The following COL4A2 variants were observed in gnomAD, a reference collection of about 807,000 sequenced individuals.
COL4A2 encodes collagen type IV alpha 2 chain.
A neutral mutation model predicts 200.2 loss-of-function variants in COL4A2; 99 were observed. The observed-to-expected ratio is 0.49, with a 90% CI of 0.42 to 0.58. COL4A2 has a LOEUF of 0.58. COL4A2 is among the 20% of genes least tolerant of loss of function. The probability of loss-of-function intolerance (pLI) is 0.00; values close to 1 mark genes in which losing one functional copy is unlikely to be tolerated. For synonymous variants in COL4A2, 897 were observed against 900.6 expected (o/e 1.00, Z 0.07); for missense variants, 1,950 against 2,314.1 (o/e 0.84, Z 3.23).
chr13:110,389,267 A>G (rs1878892823), intron 4 of COL4A2, among the ~76,000 whole-genome samples: 1 of 152,158 alleles, frequency 6.6e-6, no homozygotes, highest in South Asian at 2.1e-4. Flanking sequence ...AAAGTAGTGC[A>G]TCATGTGGAG....
chr13:110,504,325 T>C, intron 45 of COL4A2, 61 bp downstream of exon 45: 5 of 1,404,076 alleles, frequency 3.6e-6, no homozygotes, highest in South Asian at 3.5e-5. Context: ...ACTCACAGAC[T>C]GTGGTCTGCA....
chr13:110,314,949 G>T (rs1231052927), intron 3 of COL4A2, among the ~76,000 whole-genome samples: 1 of 152,216 alleles, frequency 6.6e-6, no homozygotes, highest in African/African-American at 2.4e-5. Context: ...CAGAGTCCCA[G>T]CCTCTCAGTG....
In COL4A2 at chr13:110,482,113, G is replaced by A. The variant is rs544768492; in HGVS notation, c.2759-403G>A. Reference sequence around the variant, plus strand: ...CTCTCCTTCCGGTGCTGGCGACATTGGTCTGACTTTCTGCGGTCCTGTGTC... The same window carrying A: ...CTCTCCTTCCGGTGCTGGCGACATTAGTCTGACTTTCTGCGGTCCTGTGTC... On this transcript the variant is annotated intron_variant, in intron 31 of 47. Transcript: ENST00000360467. Among the ~76,000 whole-genome samples the A allele has an allele frequency of 1.2e-4, 18 of 152,322 alleles. No homozygotes were observed. In the South Asian group the frequency reaches 3.1e-3, roughly 26 times the overall value.
At chr13:110,469,426 G>A in intron 28 of COL4A2, 102 bp downstream of exon 28, 2 of 1,222,776 alleles carry the variant, frequency 1.6e-6, no homozygotes, top group East Asian at 2.6e-5. Flanking sequence ...TGTAGAAGCT[G>A]TTTTAACAAA....
intron 40 of COL4A2, 141 bp from the exon 41 acceptor site, chr13:110,501,527 T>C: frequency 1.3e-6 from 1 of 778,008 alleles, no homozygotes; most frequent in Non-Finnish European, 2.1e-6. Context: ...CATGAGATGT[T>C]CCTTGGCCTG....
chr13:110,379,175 G>A (rs1878361400), intron 4 of COL4A2, among the ~76,000 whole-genome samples: 1 of 152,220 alleles, frequency 6.6e-6, no homozygotes, highest in Non-Finnish European at 1.5e-5. Flanking sequence ...GTCATACTGT[G>A]GAGAGGGTGT....
Position 110,474,719 on chromosome 13 carries a change from ACACACGCACGTACCCACACACG to A in COL4A2, c.2425+1570_2425+1591del, listed in dbSNP as rs1566555347. On this transcript the variant is annotated intron_variant, in intron 29 of 47. Transcript: ENST00000360467. ...CGTGCCTGTGTACACTCACATGATC[ACACACGCACGTACCCACACACG>A]TGCCGTGCACACTCACACATCACAC... is the stretch of plus-strand genomic sequence containing the variant. Among the ~76,000 whole-genome samples, 31 of 110,126 alleles carry A rather than the reference ACACACGCACGTACCCACACACG, an allele frequency of 2.8e-4. 3 individuals are homozygous for A. Among genetic ancestry groups the A allele is most frequent in the East Asian group, 1.2e-3 (4 of 3,438 alleles). 72.2% of individuals were successfully genotyped at this position (110,126 alleles called of 152,430 possible).
intron 41 of COL4A2, 65 bp from the exon 42 acceptor site, chr13:110,503,056 C>A: frequency 6.7e-7 from 1 of 1,499,636 alleles, no homozygotes; most frequent in Non-Finnish European, 9.1e-7. Context: ...GACGGTGCAC[C>A]TGACTGCCCC....
rs113889678 is a variant in COL4A2 at position 110,446,569 on chromosome 13, C to T, written c.1012-229C>T. On this transcript the variant is annotated intron_variant, in intron 17 of 47. Transcript: ENST00000360467. ...AAGGATTTCAAAATGAGATGAGCCCCTGCCTGTCTTGTTCTCTTTGGGCAC... is the reference window on the plus strand; with the variant it reads ...AAGGATTTCAAAATGAGATGAGCCCTTGCCTGTCTTGTTCTCTTTGGGCAC... Among the ~76,000 whole-genome samples the T allele has an allele frequency of 6.5e-3, 985 of 152,308 alleles. 4 individuals carry two copies. The highest frequency in any genetic ancestry group is 0.011 in the Non-Finnish European group (774 of 68,022).
chr13:110,397,952 C>G (rs183245127), intron 4 of COL4A2, among the ~76,000 whole-genome samples: 92 of 152,252 alleles, frequency 6.0e-4, no homozygotes, highest in Non-Finnish European at 1.1e-3. Context: ...GCAGCTGTAT[C>G]GTATGGAGAA....
intron 12 of COL4A2, among the ~76,000 whole-genome samples, chr13:110,435,713 G>A (rs1479172091): frequency 6.6e-6 from 1 of 152,216 alleles, no homozygotes; most frequent in East Asian, 1.9e-4. Context: ...GTCCAGTAAT[G>A]TTCTAGATAG....
chr13:110,494,862 C>A (rs1270105150), intron 39 of COL4A2, among the ~76,000 whole-genome samples: 2 of 152,236 alleles, frequency 1.3e-5, no homozygotes, highest in African/African-American at 2.4e-5. Flanking sequence ...TTCACGCACT[C>A]CTGCGTCATT....
At chr13:110,507,722 A>G in intron 46 of COL4A2, 2 of 600,568 alleles carry the variant, frequency 3.3e-6, no homozygotes, top group South Asian at 4.0e-5. Flanking sequence ...CTTGTAGAAG[A>G]ACAGAGCTGT....
At chr13:110,499,295 C>A (rs1443021078) in intron 40 of COL4A2, among the ~76,000 whole-genome samples, 2 of 152,142 alleles carry the variant, frequency 1.3e-5, no homozygotes, top group Non-Finnish European at 2.9e-5. Context: ...GCTGGGGAGG[C>A]CTCAGGAAAC....
At chr13:110,507,838 C>T (rs911855287) in intron 46 of COL4A2, 97 bp from the exon 47 acceptor site, 6 of 1,304,686 alleles carry the variant, frequency 4.6e-6, no homozygotes, top group South Asian at 1.3e-5. Context: ...TGCCCTGGGG[C>T]GAGTCCGTGA....
At chr13:110,481,919 C>G (rs1436336542) in intron 31 of COL4A2, among the ~76,000 whole-genome samples, 2 of 50,370 alleles carry the variant, frequency 4.0e-5, no homozygotes, top group Non-Finnish European at 9.4e-5. Flanking sequence ...TCTGTCCCTC[C>G]GTGCTGGAGA....
chr13:110,386,097 G>A (rs1057330676), intron 4 of COL4A2, among the ~76,000 whole-genome samples: 1 of 152,184 alleles, frequency 6.6e-6, no homozygotes, highest in Admixed American at 6.5e-5. Context: ...ATAAACCATG[G>A]TTACAGCATG....
At chr13:110,315,342 T>C (rs1438515283) in intron 3 of COL4A2, among the ~76,000 whole-genome samples, 3 of 152,258 alleles carry the variant, frequency 2.0e-5, no homozygotes, top group Admixed American at 1.3e-4. Flanking sequence ...TGATTGTAGC[T>C]CTATAGACTT....
At chr13:110,445,084 C>G (rs11839601) in intron 16 of COL4A2, among the ~76,000 whole-genome samples, 18,504 of 152,216 alleles carry the variant, frequency 0.12, 1,256 homozygotes, top group African/African-American at 0.2. Flanking sequence ...CTTCTGGGCT[C>G]AAGTGATCCT....
Sources: allele counts gnomAD v4.1 joint callset (sites outside exome capture counted in the v4.1 genomes callset), GRCh38; gene constraint gnomAD v4.1.1; transcripts MANE v1.5; gene names NCBI Gene and HGNC (gene_info 2026-07-23, HGNC 2026-07-21).